NFATC3: variants seen among roughly 807,000 people sequenced by gnomAD.
The protein encoded by NFATC3 is nuclear factor of activated T cells 3.
Under a neutral mutation model 98.6 loss-of-function variants are expected in NFATC3, and 46 were observed. The ratio of observed to expected loss-of-function variants is 0.47; its 90% CI spans 0.37 to 0.60. NFATC3 has a LOEUF of 0.60. NFATC3 is among the 20% of genes least tolerant of loss of function. NFATC3 has a pLI of 0.00. For missense variants in NFATC3, 1,256 were observed against 1,295.5 expected (o/e 0.97, Z 0.47); for synonymous variants, 512 against 472.2 (o/e 1.08, Z -1.09).
Position 68,192,230 on chromosome 16 carries a change from A to AAAAT in NFATC3, c.3106+456_3106+457insAATA, listed in dbSNP as rs1555522047. 466 of 82,582 alleles carry AAAAT rather than the reference A, an allele frequency of 5.6e-3. 71 individuals carry two copies. The highest frequency in any genetic ancestry group is 0.025 in the African/African-American group (435 of 17,442). 5.1% of individuals were successfully genotyped at this position (82,582 alleles called of 1,614,324 possible). On this transcript the variant is annotated intron_variant, in intron 9 of 9. Transcript: ENST00000346183. ...CTCGGGAAAAAAAAAAAAAAAAAAAAATATATATATATATATATATATATG... is the reference window on the plus strand; with the variant it reads ...CTCGGGAAAAAAAAAAAAAAAAAAAAAAATATATATATATATATATATATATATG...
chr16:68,086,416 A>T (rs2034377827), intron 1 of NFATC3, among the ~76,000 whole-genome samples: 1 of 151,966 alleles, frequency 6.6e-6, no homozygotes, highest in African/African-American at 2.4e-5. Context: ...CTTTTTTCAT[A>T]ATTTTCCTAG....
chr16:68,149,654 A>G (rs1482208943), intron 3 of NFATC3, among the ~76,000 whole-genome samples: 2 of 152,234 alleles, frequency 1.3e-5, no homozygotes, highest in Admixed American at 1.3e-4. Flanking sequence ...TTCCAAAAGA[A>G]ACAGTGAAAA....
chr16:68,150,932 C>G (rs2038285926), intron 3 of NFATC3, among the ~76,000 whole-genome samples: 1 of 151,982 alleles, frequency 6.6e-6, no homozygotes, highest in African/African-American at 2.4e-5. Flanking sequence ...TTACCTTCAA[C>G]CATGACTGTA....
chr16:68,153,743 A>T (rs1050830131), intron 3 of NFATC3, among the ~76,000 whole-genome samples: 1 of 151,548 alleles, frequency 6.6e-6, no homozygotes, highest in Non-Finnish European at 1.5e-5. Context: ...CCTCCCAAGT[A>T]GCTGGGACTA....
chr16:68,164,692 G>C (rs56138523), intron 4 of NFATC3, among the ~76,000 whole-genome samples: 2 of 151,602 alleles, frequency 1.3e-5, no homozygotes, highest in African/African-American at 4.9e-5. Context: ...ATCCTGGCCA[G>C]CATGGTGAAA....
intron 5 of NFATC3, among the ~76,000 whole-genome samples, chr16:68,172,470 AACC>A (rs1429702114): frequency 6.6e-6 from 1 of 152,142 alleles, no homozygotes; most frequent in African/African-American, 2.4e-5. Flanking sequence ...GGCAAGAAAA[AACC>A]ATTAGAGGTC....
chr16:68,143,895 C>G (rs1392343669), intron 3 of NFATC3, among the ~76,000 whole-genome samples: 1 of 152,022 alleles, frequency 6.6e-6, no homozygotes, highest in Admixed American at 6.6e-5. Context: ...AAGTATAAAA[C>G]TTTTAGAAGA....
At chr16:68,092,789 G>A (rs1567492659) in intron 1 of NFATC3, among the ~76,000 whole-genome samples, 3 of 152,104 alleles carry the variant, frequency 2.0e-5, no homozygotes, top group East Asian at 3.9e-4. Context: ...TATTTCCCAC[G>A]TCTGTAGTTC....
chr16:68,086,400 G>A (rs907148768), intron 1 of NFATC3, among the ~76,000 whole-genome samples: 1 of 151,648 alleles, frequency 6.6e-6, no homozygotes, highest in African/African-American at 2.4e-5. Flanking sequence ...TTTTAATAGT[G>A]GGTTGCTTTT....
chr16:68,131,761 T>TACA (rs1366695323), intron 3 of NFATC3, among the ~76,000 whole-genome samples: 9 of 152,062 alleles, frequency 5.9e-5, no homozygotes, highest in Non-Finnish European at 1.3e-4. Flanking sequence ...GTGCTGGGAT[T>TACA]ACAGGTCTGA....
At chr16:68,131,366 C>G (rs1305557465) in intron 3 of NFATC3, among the ~76,000 whole-genome samples, 1 of 152,136 alleles carries the variant, frequency 6.6e-6, no homozygotes, top group African/African-American at 2.4e-5. Context: ...CAGCCTCTGC[C>G]TTCCGGGTTC....
At chr16:68,097,073 A>G (rs926304755) in intron 1 of NFATC3, among the ~76,000 whole-genome samples, 2 of 152,196 alleles carry the variant, frequency 1.3e-5, no homozygotes, top group African/African-American at 4.8e-5. Flanking sequence ...ATAGATTTAC[A>G]GGAAAGAAAT....
intron 6 of NFATC3, among the ~76,000 whole-genome samples, chr16:68,176,834 A>G (rs1204475081): frequency 1.3e-5 from 2 of 152,072 alleles, no homozygotes; most frequent in African/African-American, 4.8e-5. Context: ...CCATTCATTA[A>G]CAGTATCTGT....
chr16:68,123,431 C>T (rs1178854123), intron 2 of NFATC3, among the ~76,000 whole-genome samples: 1 of 146,056 alleles, frequency 6.8e-6, no homozygotes, highest in East Asian at 2.0e-4. Flanking sequence ...GAGGCTGAGG[C>T]AGGAGGATTG....
At chr16:68,112,698 C>T (rs2036039221) in intron 1 of NFATC3, among the ~76,000 whole-genome samples, 1 of 136,640 alleles carries the variant, frequency 7.3e-6, no homozygotes, top group African/African-American at 2.8e-5. Context: ...GTCGCCCAGG[C>T]CGGACTGCGG....
At chr16:68,124,834 T>A (rs934797338) in intron 2 of NFATC3, among the ~76,000 whole-genome samples, 1 of 152,024 alleles carries the variant, frequency 6.6e-6, no homozygotes, top group African/African-American at 2.4e-5. Context: ...GGTTAAGCAA[T>A]TCTCCTGCCT....
At chr16:68,128,878 T>A (rs1022023470) in intron 3 of NFATC3, among the ~76,000 whole-genome samples, 3 of 151,428 alleles carry the variant, frequency 2.0e-5, no homozygotes, top group Non-Finnish European at 4.4e-5. Flanking sequence ...CATGGTGGGC[T>A]GGGATGCTAG....
intron 3 of NFATC3, among the ~76,000 whole-genome samples, chr16:68,152,042 C>T (rs1276478795): frequency 6.9e-6 from 1 of 145,284 alleles, no homozygotes; most frequent in African/African-American, 2.6e-5. Flanking sequence ...GCACTCTAAC[C>T]TAAGTAAGTG....
At chr16:68,127,691 A>C (rs568903200) in intron 3 of NFATC3, among the ~76,000 whole-genome samples, 15 of 151,668 alleles carry the variant, frequency 9.9e-5, no homozygotes, top group Non-Finnish European at 1.8e-4. Context: ...CTGTCTCAAA[A>C]AAAAAAAAAA....
Sources: gnomAD v4.1 joint callset for allele counts (sites outside exome capture counted in the v4.1 genomes callset) on GRCh38, gnomAD v4.1.1 for gene constraint, MANE v1.5 for transcripts, NCBI Gene and HGNC (gene_info 2026-07-23, HGNC 2026-07-21) for gene names.